The following HECTD4 variants were observed in gnomAD, a reference collection of about 807,000 sequenced individuals.
The protein encoded by HECTD4 is HECT domain E3 ubiquitin protein ligase 4, also known as probable E3 ubiquitin-protein ligase HECTD4.
A neutral mutation model predicts 471.5 loss-of-function variants in HECTD4; 114 were observed. The observed-to-expected ratio is 0.24, with a 90% confidence interval of 0.21 to 0.28. HECTD4 has a LOEUF of 0.28. HECTD4 is among the 10% of genes least tolerant of loss of function. The pLI, the probability that HECTD4 is intolerant of heterozygous loss-of-function variation, is 1.00. For synonymous variants in HECTD4, 2,012 were observed against 2,256.0 expected (o/e 0.89, Z 3.07); for missense variants, 3,866 against 5,651.5 (o/e 0.68, Z 10.13).
At chr12:112,301,356 G>A (rs767583806) in intron 7 of HECTD4, among the ~76,000 whole-genome samples, 1 of 145,226 alleles carries the variant, frequency 6.9e-6, no homozygotes, top group Non-Finnish European at 1.5e-5. Flanking sequence ...GCTAATTTTT[G>A]TATTTTTAGT....
chr12:112,285,964 CT>C (rs1260498612), intron 7 of HECTD4, among the ~76,000 whole-genome samples: 6 of 152,096 alleles, frequency 3.9e-5, no homozygotes, highest in African/African-American at 7.2e-5. Context: ...AAATCAATCA[CT>C]TTAAGCTTGG....
chr12:112,274,808 T>C (rs1468515292), intron 10 of HECTD4, 39 bp downstream of exon 10: 1 of 1,316,966 alleles, frequency 7.6e-7, no homozygotes, highest in East Asian at 2.5e-5. Flanking sequence ...TTGCTAAAAC[T>C]TGAAATTTTC....
Position 112,207,859 on chromosome 12 carries a change from C to T in HECTD4, c.8131+15G>A, listed in dbSNP as rs375810144. ...TCATGAAGTAACCTCCTTAGCAGAA[C>T]AAAAAGTACCAGACCTAGTTGTAAG... On this transcript the variant is annotated intron_variant, in intron 52 of 75. Coordinates refer to ENST00000682272, the MANE Select transcript of HECTD4 (RefSeq NM_001388303.1). 7.4e-6 allele frequency: 12 copies of T among 1,612,722 alleles called. No individual in the cohort carries two copies. The highest frequency in any genetic ancestry group is 1.0e-5 in the Non-Finnish European group (12 of 1,179,208).
chr12:112,355,775 A>C (rs984042088), intron 1 of HECTD4, among the ~76,000 whole-genome samples: 4 of 152,066 alleles, frequency 2.6e-5, no homozygotes, highest in East Asian at 3.8e-4. Context: ...AAAACAATAA[A>C]AATAAAAATA....
intron 17 of HECTD4, among the ~76,000 whole-genome samples, chr12:112,262,626 T>C (rs1479008111): frequency 1.4e-5 from 1 of 70,946 alleles, no homozygotes; most frequent in Non-Finnish European, 2.2e-5. Flanking sequence ...ATTATTATTA[T>C]ATTTTTTGAA....
In HECTD4 at chr12:112,171,210, T is replaced by C; in HGVS notation, c.11839A>G (p.Thr3947Ala). ...GGCAGGAAGAAGGTCTCCAGTGTGG[T>C]GTTGAGGGACTGCAGCAAGGCGAAG... ...LRFALLQSLN[T>A]TLETFFLPLV... Residue 3947 changes from threonine (T) to alanine (A), a missense_variant, in exon 68 of 76, where the codon ACC becomes GCC. Coordinates refer to ENST00000682272, the MANE Select transcript of HECTD4 (RefSeq NM_001388303.1). The C allele has an allele frequency of 2.5e-6, 4 of 1,612,696 alleles. No individual in the cohort carries two copies. The highest frequency in any genetic ancestry group is 3.4e-6 in the Non-Finnish European group (4 of 1,179,498).
intron 20 of HECTD4, among the ~76,000 whole-genome samples, chr12:112,257,810 T>G (rs2135596513): frequency 6.6e-6 from 1 of 152,342 alleles, no homozygotes; most frequent in East Asian, 1.9e-4. Context: ...ATGTCAAAGC[T>G]TTGTAAGAAC....
chr12:112,350,021 C>T (rs2036223937), intron 1 of HECTD4, among the ~76,000 whole-genome samples: 1 of 152,060 alleles, frequency 6.6e-6, no homozygotes, highest in Admixed American at 6.6e-5. Context: ...GTGGCACAAA[C>T]ACAGCTCACT....
chr12:112,332,872 C>T (rs2035870809), intron 1 of HECTD4, among the ~76,000 whole-genome samples: 1 of 151,008 alleles, frequency 6.6e-6, no homozygotes, highest in Non-Finnish European at 1.5e-5. Context: ...CCCCAAATCT[C>T]CCAGCCCTTG....
In HECTD4 at chr12:112,230,681, G is replaced by A. The variant is rs770921460; in HGVS notation, c.6336+6C>T. The A allele has an allele frequency of 3.1e-6, 5 of 1,607,274 alleles. No homozygotes were observed. The highest frequency in any genetic ancestry group is 3.4e-5 in the Admixed American group (2 of 58,974). ...TTTCTCAGTTGAGTAGCAACACTGC[G>A]CTAACCTTCTCTGCTGTTGTGGTCC... On this transcript the variant is annotated splice_donor_region_variant and intron_variant, in intron 40 of 75. Coordinates refer to ENST00000682272, the MANE Select transcript of HECTD4 (RefSeq NM_001388303.1).
chr12:112,258,439 C>A, intron 20 of HECTD4, 57 bp downstream of exon 20: 4 of 1,246,464 alleles, frequency 3.2e-6, no homozygotes, highest in African/African-American at 1.6e-5. Context: ...AGGAGTACTA[C>A]GCTTTCACCC....
chr12:112,222,663 T>C (rs2033132290), intron 44 of HECTD4, among the ~76,000 whole-genome samples: 1 of 152,034 alleles, frequency 6.6e-6, no homozygotes, highest in South Asian at 2.1e-4. Context: ...TGAGACTCTG[T>C]CTTTTAAAAA....
At chr12:112,192,815 T>C (rs1226082137) in intron 58 of HECTD4, 50 bp from the exon 59 acceptor site, 3 of 1,451,780 alleles carry the variant, frequency 2.1e-6, no homozygotes, top group African/African-American at 1.4e-5. Context: ...GCCATGCACA[T>C]GGGGACAGGC....
chr12:112,204,750 C>G (rs2032524277), intron 52 of HECTD4, 127 bp from the exon 53 acceptor site: 2 of 764,496 alleles, frequency 2.6e-6, no homozygotes, highest in Admixed American at 6.1e-5. Flanking sequence ...GTACATAACC[C>G]TTTGGCGAAG....
intron 28 of HECTD4, 23 bp downstream of exon 28, chr12:112,247,439 T>C: frequency 8.2e-7 from 1 of 1,226,882 alleles, no homozygotes; most frequent in Non-Finnish European, 1.1e-6. Flanking sequence ...ATAATAGCCT[T>C]AATAGTTATT....
At chr12:112,350,147 G>T (rs1277030513) in intron 1 of HECTD4, among the ~76,000 whole-genome samples, 1 of 151,944 alleles carries the variant, frequency 6.6e-6, no homozygotes, top group Non-Finnish European at 1.5e-5. Context: ...GTTGAGACAG[G>T]TTCTTGCCAT....
chr12:112,181,721 A>G (rs2031673460), intron 62 of HECTD4, among the ~76,000 whole-genome samples: 1 of 152,202 alleles, frequency 6.6e-6, no homozygotes, highest in Non-Finnish European at 1.5e-5. Flanking sequence ...TGGCTTTCCA[A>G]AGTGCTGGGA....
chr12:112,200,345 G>A (rs2032382630), intron 55 of HECTD4, among the ~76,000 whole-genome samples: 1 of 152,038 alleles, frequency 6.6e-6, no homozygotes, highest in Admixed American at 6.6e-5. Context: ...GTAGAGATGC[G>A]ATTTCACCAG....
intron 23 of HECTD4, 111 bp downstream of exon 23, chr12:112,252,313 A>G: frequency 9.1e-7 from 1 of 1,100,466 alleles, no homozygotes; most frequent in Non-Finnish European, 1.2e-6. Flanking sequence ...GAAGAGAAAG[A>G]TGAAAGAGTG....
Sources: gnomAD v4.1 joint callset for allele counts (sites outside exome capture counted in the v4.1 genomes callset) on GRCh38, gnomAD v4.1.1 for gene constraint, MANE v1.5 for transcripts, NCBI Gene and HGNC (gene_info 2026-07-23, HGNC 2026-07-21) for gene names.